The following RHOA variants were observed in gnomAD, a reference collection of about 807,000 sequenced individuals.
RHOA encodes ras homolog family member A.
A neutral mutation model predicts 17.5 loss-of-function variants in RHOA; 3 were observed. That is an observed-to-expected ratio of 0.17 (90% CI 0.08 to 0.44). RHOA has a LOEUF of 0.44. RHOA is among the 20% of genes least tolerant of loss of function. The probability of loss-of-function intolerance (pLI) is 0.99; values close to 1 mark genes in which losing one functional copy is unlikely to be tolerated. For synonymous variants in RHOA, 98 were observed against 88.4 expected, an observed-to-expected ratio of 1.11 and a Z score of -0.61; for missense variants, 56 against 242.3, an observed-to-expected ratio of 0.23 and a Z score of 5.10.
chr3:49,410,136 A>G (rs766563613), intron 1 of RHOA, among the ~76,000 whole-genome samples: 1 of 152,228 alleles, frequency 6.6e-6, no homozygotes, highest in African/African-American at 2.4e-5. Flanking sequence ...AACAAGGTTT[A>G]AAAGAAGAAA....
At chr3:49,391,266 C>T (rs1006694304) in intron 1 of RHOA, among the ~76,000 whole-genome samples, 8 of 150,458 alleles carry the variant, frequency 5.3e-5, no homozygotes, top group East Asian at 1.9e-4. Flanking sequence ...GTAGTACACA[C>T]GTGTAGTTCC....
Position 49,359,719 on chromosome 3 carries a change from C to T in RHOA, c.*490G>A, listed in dbSNP as rs1405082753. ...CCACAGAACTGTAACTCTGCCACAG[C>T]TGCATGAACTTGGGCTTTTCTGGTT... On this transcript the variant is annotated 3_prime_UTR_variant, in exon 5 of 5. Transcript: ENST00000418115. The T allele has an allele frequency of 4.4e-6, 1 of 225,346 alleles. No individual in the cohort carries two copies. The highest frequency in any genetic ancestry group is 2.2e-5 in the African/African-American group (1 of 44,830). The allele number at this position is 225,346 out of a possible 1,614,324, so 14.0% of individuals were successfully genotyped here.
intron 1 of RHOA, among the ~76,000 whole-genome samples, chr3:49,381,056 A>G (rs1324943639): frequency 1.3e-5 from 2 of 151,996 alleles, no homozygotes; most frequent in East Asian, 1.9e-4. Flanking sequence ...TGAAAGCACA[A>G]TAAGAAGCAT....
chr3:49,385,087 A>G (rs2048374883), intron 1 of RHOA, among the ~76,000 whole-genome samples: 1 of 151,254 alleles, frequency 6.6e-6, no homozygotes, highest in Non-Finnish European at 1.5e-5. Context: ...ATTATCTTTT[A>G]TGTAGAGACA....
Position 49,388,917 on chromosome 3 carries a change from C to T in RHOA, c.-2-13326G>A, listed in dbSNP as rs72922921. 6.4e-3 allele frequency among the ~76,000 whole-genome samples: 971 copies of T among 152,318 alleles called. 14 individuals carry two copies. The highest frequency in any genetic ancestry group is 0.022 in the African/African-American group (921 of 41,560). On this transcript the variant is annotated intron_variant, in intron 1 of 4. Coordinates refer to ENST00000418115, the MANE Select transcript of RHOA (RefSeq NM_001664.4). ...CAACAATAAGGAACGAAGTACAGTA[C>T]TGTACTGAAACATGCTACAACATGG...
chr3:49,405,357 G>C (rs1401345733), intron 1 of RHOA, among the ~76,000 whole-genome samples: 3 of 151,968 alleles, frequency 2.0e-5, no homozygotes, highest in Non-Finnish European at 4.4e-5. Flanking sequence ...CTTGAATCCA[G>C]GAGGTGGAGG....
At chr3:49,361,311 C>T (rs1157758193) in intron 4 of RHOA, among the ~76,000 whole-genome samples, 3 of 152,128 alleles carry the variant, frequency 2.0e-5, no homozygotes, top group East Asian at 1.9e-4. Context: ...CTACCCTTGA[C>T]ATTCAGACAG....
chr3:49,375,840 T>A (rs940526450), intron 1 of RHOA, among the ~76,000 whole-genome samples: 1 of 152,134 alleles, frequency 6.6e-6, no homozygotes, highest in Non-Finnish European at 1.5e-5. Flanking sequence ...CAAGAATGTC[T>A]GTTCTTGCCA....
At chr3:49,376,644 CAAAAAAAAAAA>C (rs963176937) in intron 1 of RHOA, among the ~76,000 whole-genome samples, 33 of 43,834 alleles carry the variant, frequency 7.5e-4, no homozygotes, top group Non-Finnish European at 1.4e-3. Flanking sequence ...CTCCATCTCA[CAAAAAAAAAAA>C]AAAAAAAAAA....
chr3:49,385,687 AT>A (rs1407561600), intron 1 of RHOA, among the ~76,000 whole-genome samples: 2 of 150,770 alleles, frequency 1.3e-5, no homozygotes, highest in Non-Finnish European at 3.0e-5. Context: ...CGTAAAAAAA[AT>A]ATATATGCTT....
At position 49,394,349 on chromosome 3, in the gene RHOA, T is replaced by C. The variant is rs7650868; in HGVS notation, c.-3+17471A>G. ...CCCCGACTGGTCTCATACAAACCAC[T>C]TTTTTGTTTTTGTTTTTCTGAGATA... On this transcript the variant is annotated intron_variant, in intron 1 of 4. Transcript: ENST00000418115. Among the ~76,000 whole-genome samples the C allele has an allele frequency of 4.8e-3, 727 of 150,462 alleles. 8 individuals are homozygous for C. The highest frequency in any genetic ancestry group is 0.017 in the African/African-American group (686 of 40,960).
At chr3:49,365,819 G>A (rs140653657) in intron 3 of RHOA, among the ~76,000 whole-genome samples, 1,742 of 152,052 alleles carry the variant, frequency 0.011, 33 homozygotes, top group African/African-American at 0.041. Flanking sequence ...TCGAACTCCT[G>A]ACCTCAGGTG....
At chr3:49,407,079 A>T (rs1273617320) in intron 1 of RHOA, among the ~76,000 whole-genome samples, 6 of 152,062 alleles carry the variant, frequency 3.9e-5, no homozygotes, top group Admixed American at 3.9e-4. Context: ...CCTGGGAAAC[A>T]AAGGTTGAAG....
chr3:49,390,859 G>A lies in RHOA; in HGVS notation c.-2-15268C>T, dbSNP rs151253616. On this transcript the variant is annotated intron_variant, in intron 1 of 4. Transcript: ENST00000418115. Reference sequence around the variant, plus strand: ...GCATTCTGGGAAGCTGAGGCGGGCAGATTACTTGAGGTCAGGAGTTCGAGA... The same window carrying A: ...GCATTCTGGGAAGCTGAGGCGGGCAAATTACTTGAGGTCAGGAGTTCGAGA... 1.8e-3 allele frequency among the ~76,000 whole-genome samples: 281 copies of A among 152,110 alleles called. 1 individual carries two copies. Among genetic ancestry groups the A allele is most frequent in the African/African-American group, 6.4e-3 (265 of 41,524 alleles).
intron 1 of RHOA, among the ~76,000 whole-genome samples, chr3:49,386,231 G>A (rs779596658): frequency 4.6e-5 from 4 of 86,778 alleles, no homozygotes; most frequent in South Asian, 1.5e-3. Flanking sequence ...CATTTATTTA[G>A]GTCATCTTTC....
chr3:49,366,043 A>G (rs1342883065), intron 3 of RHOA, among the ~76,000 whole-genome samples: 1 of 152,190 alleles, frequency 6.6e-6, no homozygotes, highest in Non-Finnish European at 1.5e-5. Flanking sequence ...CAAGAAAGCG[A>G]GACCCTGTCT....
chr3:49,371,843 G>C (rs927526791), intron 2 of RHOA, among the ~76,000 whole-genome samples: 1 of 152,198 alleles, frequency 6.6e-6, no homozygotes, highest in African/African-American at 2.4e-5. Flanking sequence ...TTATGGGCAA[G>C]ATTCTGGTTG....
chr3:49,361,606 C>CGTG (rs1301361589), intron 4 of RHOA, among the ~76,000 whole-genome samples: 2 of 152,060 alleles, frequency 1.3e-5, no homozygotes, highest in Non-Finnish European at 2.9e-5. Context: ...CAGGCCCGGG[C>CGTG]GTGGTGGCTC....
intron 1 of RHOA, among the ~76,000 whole-genome samples, chr3:49,381,792 G>A (rs1282716323): frequency 2.0e-5 from 3 of 150,094 alleles, no homozygotes; most frequent in Non-Finnish European, 4.4e-5. Flanking sequence ...TTGAACCCGG[G>A]AGGAGGAAGT....
Sources: gnomAD v4.1 joint callset for allele counts (sites outside exome capture counted in the v4.1 genomes callset) on GRCh38, gnomAD v4.1.1 for gene constraint, MANE v1.5 for transcripts, NCBI Gene and HGNC (gene_info 2026-07-23, HGNC 2026-07-21) for gene names.